Variants in MPP7 observed in about 807,000 individuals in gnomAD.
The protein encoded by MPP7 is MAGUK p55 scaffold protein 7.
A neutral mutation model predicts 76.5 loss-of-function variants in MPP7; 60 were observed. The ratio of observed to expected loss-of-function variants is 0.78; its 90% CI spans 0.64 to 0.97. MPP7 has a LOEUF of 0.97. Among genes scored for constraint, MPP7 ranks in the 50% least tolerant of loss-of-function variants. The probability of loss-of-function intolerance (pLI) is 0.00; values close to 1 mark genes in which losing one functional copy is unlikely to be tolerated. For missense variants in MPP7, 641 were observed against 694.0 expected (o/e 0.92, Z 0.86); for synonymous variants, 237 against 244.5 (o/e 0.97, Z 0.29).
intron 1 of MPP7, among the ~76,000 whole-genome samples, chr10:28,264,108 A>C (rs1430615687): frequency 6.6e-6 from 1 of 151,998 alleles, no homozygotes; most frequent in Non-Finnish European, 1.5e-5. Flanking sequence ...ACCAGCCTGG[A>C]CAACATAGGG....
intron 1 of MPP7, among the ~76,000 whole-genome samples, chr10:28,240,707 T>A (rs988138831): frequency 6.6e-6 from 1 of 152,114 alleles, no homozygotes; most frequent in African/African-American, 2.4e-5. Flanking sequence ...CATAAATTAT[T>A]CTAAAAAATC....
intron 3 of MPP7, among the ~76,000 whole-genome samples, chr10:28,168,343 T>C (rs1169718262): frequency 6.6e-6 from 1 of 152,240 alleles, no homozygotes; most frequent in African/African-American, 2.4e-5. Flanking sequence ...TGCTTTCTAT[T>C]TTCAGGAAGC....
At chr10:28,258,355 G>C (rs1330158779) in intron 1 of MPP7, among the ~76,000 whole-genome samples, 1 of 146,300 alleles carries the variant, frequency 6.8e-6, no homozygotes, top group African/African-American at 2.5e-5. Flanking sequence ...ACTTAGGACT[G>C]ATAAGATATA....
At chr10:28,073,782 T>A (rs1419896036) in intron 12 of MPP7, among the ~76,000 whole-genome samples, 2 of 150,932 alleles carry the variant, frequency 1.3e-5, no homozygotes, top group East Asian at 1.9e-4. Flanking sequence ...AAAAAAAAAA[T>A]ATTTTTTTTT....
At chr10:28,326,664 T>C (rs1259188107) in intron 2 of MPP7, among the ~76,000 whole-genome samples, 3 of 152,276 alleles carry the variant, frequency 2.0e-5, no homozygotes, top group Middle Eastern at 6.8e-3. Context: ...GCCTTGAAAA[T>C]ACATTTTTCA....
chr10:28,081,885 T>C (rs1390557222), intron 12 of MPP7, among the ~76,000 whole-genome samples: 1 of 151,874 alleles, frequency 6.6e-6, no homozygotes, highest in Non-Finnish European at 1.5e-5. Context: ...CCTAAATACC[T>C]GGGACTACAG....
rs951339910 is a variant in MPP7 at position 28,201,730 on chromosome 10, T to C, written c.156+423A>G. Among the ~76,000 whole-genome samples, 3 of 152,218 alleles carry C rather than the reference T, an allele frequency of 2.0e-5. 1 individual carries two copies. Among genetic ancestry groups the C allele is most frequent in the Admixed American group, 1.3e-4 (2 of 15,284 alleles). On this transcript the variant is annotated intron_variant, in intron 3 of 16. Transcript: ENST00000683449. ...AAGGAACAGCTTACTAGAATTTCAGTTGACTTTGTTAAAGGAAATTATTTT... is the reference window on the plus strand; with the variant it reads ...AAGGAACAGCTTACTAGAATTTCAGCTGACTTTGTTAAAGGAAATTATTTT...
chr10:28,135,581 G>C (rs1442396239), intron 5 of MPP7, among the ~76,000 whole-genome samples: 1 of 152,126 alleles, frequency 6.6e-6, no homozygotes, highest in Non-Finnish European at 1.5e-5. Flanking sequence ...ATAATTCTAA[G>C]GTTGAGAAAC....
chr10:28,321,239 G>T (rs1397063889), intron 2 of MPP7, among the ~76,000 whole-genome samples: 2 of 152,126 alleles, frequency 1.3e-5, no homozygotes, highest in African/African-American at 4.8e-5. Context: ...AACAAAAAAA[G>T]GTTAATTTTA....
At chr10:28,109,863 A>AAACAAACAAAAAAAAAAAAAC (rs1564634810) in intron 11 of MPP7, among the ~76,000 whole-genome samples, 1 of 149,480 alleles carries the variant, frequency 6.7e-6, no homozygotes, top group African/African-American at 2.5e-5. Context: ...AAAAAAAAAA[A>AAACAAACAAAAAAAAAAAAAC]AAAAAAAAAA....
At chr10:28,147,128 T>C (rs1042291958) in intron 5 of MPP7, among the ~76,000 whole-genome samples, 22 of 152,146 alleles carry the variant, frequency 1.4e-4, no homozygotes, top group African/African-American at 5.3e-4. Flanking sequence ...AAAATAGGTA[T>C]GTTTGTCAAA....
chr10:28,077,625 T>C (rs1452019834), intron 12 of MPP7, among the ~76,000 whole-genome samples: 1 of 152,202 alleles, frequency 6.6e-6, no homozygotes, highest in African/African-American at 2.4e-5. Context: ...TCTATTTACA[T>C]TCCAAGCAAT....
chr10:28,232,026 G>A (rs1361376981), intron 2 of MPP7, among the ~76,000 whole-genome samples: 1 of 151,984 alleles, frequency 6.6e-6, no homozygotes, highest in African/African-American at 2.4e-5. Flanking sequence ...GACCAAATTG[G>A]GTTTATCCCT....
intron 3 of MPP7, among the ~76,000 whole-genome samples, chr10:28,168,530 T>G (rs1043322315): frequency 6.6e-6 from 1 of 152,056 alleles, no homozygotes; most frequent in Admixed American, 6.6e-5. Flanking sequence ...TTCTTTTTTT[T>G]TGTTTTGAAA....
chr10:28,115,958 T>C (rs530377054), intron 11 of MPP7, among the ~76,000 whole-genome samples: 1 of 152,326 alleles, frequency 6.6e-6, no homozygotes, highest in East Asian at 1.9e-4. Context: ...AAGAATTTTT[T>C]AAGAGTTATT....
intron 1 of MPP7, among the ~76,000 whole-genome samples, chr10:28,291,890 C>A (rs576299840): frequency 2.0e-5 from 3 of 152,084 alleles, no homozygotes; most frequent in Non-Finnish European, 4.4e-5. Context: ...CATAGTGTAG[C>A]CTAGACATAG....
intron 3 of MPP7, among the ~76,000 whole-genome samples, chr10:28,171,317 C>G (rs1426459625): frequency 1.3e-5 from 2 of 152,088 alleles, no homozygotes; most frequent in Non-Finnish European, 2.9e-5. Flanking sequence ...TTAATGAAAA[C>G]CAGAAGAGGG....
intron 12 of MPP7, among the ~76,000 whole-genome samples, chr10:28,080,037 G>T (rs1460552199): frequency 7.5e-6 from 1 of 133,694 alleles, no homozygotes; most frequent in Admixed American, 7.8e-5. Context: ...CCAGAAGGCA[G>T]AGGTTGCAGT....
intron 3 of MPP7, among the ~76,000 whole-genome samples, chr10:28,160,713 T>C (rs886977593): frequency 6.6e-6 from 1 of 152,178 alleles, no homozygotes; most frequent in African/African-American, 2.4e-5. Flanking sequence ...TATATGACTT[T>C]GGTATAGGAA....
Sources: gnomAD v4.1 joint callset for allele counts (sites outside exome capture counted in the v4.1 genomes callset) on GRCh38, gnomAD v4.1.1 for gene constraint, MANE v1.5 for transcripts, NCBI Gene and HGNC (gene_info 2026-07-23, HGNC 2026-07-21) for gene names.